Variants in KIF15 observed in about 807,000 individuals in gnomAD.
KIF15 encodes kinesin family member 15, also known as kinesin-like protein KIF15.
KIF15 carries 140 observed loss-of-function variants against 190.6 expected under a neutral mutation model. The ratio of observed to expected loss-of-function variants is 0.73; its 90% confidence interval spans 0.64 to 0.84. The LOEUF is 0.84. Among genes scored for constraint, KIF15 ranks in the 40% least tolerant of loss-of-function variants. The pLI is 0.00. For synonymous variants in KIF15, 528 were observed against 551.3 expected, an observed-to-expected ratio of 0.96 and a Z score of 0.59; for missense variants, 1,372 against 1,584.4, an observed-to-expected ratio of 0.87 and a Z score of 2.28.
chr3:44,843,777 A>G (rs1160157330), intron 30 of KIF15, among the ~76,000 whole-genome samples: 1 of 152,160 alleles, frequency 6.6e-6, no homozygotes, highest in Non-Finnish European at 1.5e-5. Context: ...ATCCAGACTT[A>G]TATCTTGTCT....
Position 44,866,911 on chromosome 3 carries a change from G to T in KIF15, c.*60-6418G>T, listed in dbSNP as rs368071508. ...ATGTTTTGTACTTGCTCTTACCCTTGCCTTGGGTTCCCTTTACCTTCACCT... is the reference window on the plus strand; with the variant it reads ...ATGTTTTGTACTTGCTCTTACCCTTTCCTTGGGTTCCCTTTACCTTCACCT... On this transcript the variant is annotated intron_variant and NMD_transcript_variant, in intron 6 of 6. Transcript: ENST00000422209. 1.3e-4 allele frequency among the ~76,000 whole-genome samples: 20 copies of T among 152,122 alleles called. No individual in the cohort carries two copies. The East Asian group carries it at 1.3e-3, about 10-fold the overall frequency.
chr3:44,844,497 A>C (rs918545807), intron 30 of KIF15, among the ~76,000 whole-genome samples: 1 of 152,212 alleles, frequency 6.6e-6, no homozygotes, highest in African/African-American at 2.4e-5. Context: ...GTCTTTTGTC[A>C]AGAGCTACTG....
intron 6 of KIF15, chr3:44,861,914 C>T: frequency 6.8e-7 from 1 of 1,475,308 alleles, no homozygotes; most frequent in South Asian, 1.3e-5. Context: ...GGCACGGTGT[C>T]AGCAGGCAAC....
chr3:44,765,745 T>C (rs558456019), intron 1 of KIF15, among the ~76,000 whole-genome samples: 156 of 152,332 alleles, frequency 1.0e-3, no homozygotes, highest in African/African-American at 3.6e-3. Flanking sequence ...TGAACAGGCC[T>C]GCAATTTAGC....
intron 27 of KIF15, 52 bp from the exon 28 acceptor site, chr3:44,840,303 C>T (rs1331227113): frequency 1.9e-6 from 2 of 1,036,148 alleles, no homozygotes; most frequent in East Asian, 5.1e-5. Context: ...CTATTTGGAC[C>T]ATGTACCCCA....
At chr3:44,775,085 A>G (rs549412642) in intron 2 of KIF15, among the ~76,000 whole-genome samples, 169 bp from the exon 3 acceptor site, 5 of 151,770 alleles carry the variant, frequency 3.3e-5, no homozygotes, top group African/African-American at 1.2e-4. Context: ...GGGCAACAAG[A>G]ATGAAACTCC....
intron 5 of KIF15, among the ~76,000 whole-genome samples, chr3:44,781,895 G>A (rs2125912302): frequency 6.6e-6 from 1 of 152,006 alleles, no homozygotes; most frequent in South Asian, 2.1e-4. Context: ...CTCATTTGTG[G>A]ATATTCCTTA....
chr3:44,782,793 A>C (rs1706228060), intron 5 of KIF15, among the ~76,000 whole-genome samples: 1 of 152,194 alleles, frequency 6.6e-6, no homozygotes. Context: ...CAGCAGTTGC[A>C]CAGGCCCTGA....
intron 19 of KIF15, among the ~76,000 whole-genome samples, chr3:44,814,658 G>A (rs1707946465): frequency 6.6e-6 from 1 of 152,152 alleles, no homozygotes; most frequent in African/African-American, 2.4e-5. Context: ...ATCTAGCAAA[G>A]TCAAGTGACC....
intron 11 of KIF15, among the ~76,000 whole-genome samples, chr3:44,800,911 G>A (rs1003489497): frequency 1.3e-5 from 2 of 151,564 alleles, no homozygotes; most frequent in East Asian, 1.9e-4. Flanking sequence ...GTAATCTATT[G>A]TGCATATTAA....
chr3:44,835,734 A>G (rs550775489), intron 26 of KIF15, among the ~76,000 whole-genome samples: 4 of 152,338 alleles, frequency 2.6e-5, no homozygotes, highest in African/African-American at 7.2e-5. Flanking sequence ...GAGAGCAGTG[A>G]ATATGAAGGA....
chr3:44,768,361 T>G (rs1376339134), intron 1 of KIF15, among the ~76,000 whole-genome samples: 2 of 151,842 alleles, frequency 1.3e-5, no homozygotes, highest in Non-Finnish European at 2.9e-5. Flanking sequence ...TCGTGTTGCA[T>G]GACCAGGAAA....
At chr3:44,802,448 T>C (rs986455255) in intron 13 of KIF15, among the ~76,000 whole-genome samples, 7 of 152,208 alleles carry the variant, frequency 4.6e-5, no homozygotes, top group African/African-American at 1.7e-4. Flanking sequence ...CTGTACACTT[T>C]TTTGCACTTC....
At chr3:44,786,689 CAGA>C in intron 7 of KIF15, 115 bp downstream of exon 7, 1 of 713,668 alleles carries the variant, frequency 1.4e-6, no homozygotes, top group Non-Finnish European at 2.2e-6. Context: ...AGGCATAATA[CAGA>C]ATGTTCATGG....
intron 26 of KIF15, among the ~76,000 whole-genome samples, chr3:44,833,610 C>T (rs1009455418): frequency 4.2e-5 from 6 of 142,904 alleles, no homozygotes; most frequent in South Asian, 2.1e-4. Context: ...GGCAGTAATG[C>T]GAGCGATGGG....
intron 10 of KIF15, among the ~76,000 whole-genome samples, chr3:44,799,006 A>G (rs971347939): frequency 3.3e-5 from 5 of 152,182 alleles, no homozygotes; most frequent in African/African-American, 9.6e-5. Context: ...AAGACTATAG[A>G]TCTAGTCATT....
intron 24 of KIF15, among the ~76,000 whole-genome samples, chr3:44,829,318 C>G (rs1448727791): frequency 6.7e-6 from 1 of 149,554 alleles, no homozygotes; most frequent in African/African-American, 2.5e-5. Flanking sequence ...GATCGCGCCA[C>G]TGCACTCCAG....
chr3:44,865,919 G>T (rs968271889), intron 6 of KIF15, among the ~76,000 whole-genome samples: 1 of 152,136 alleles, frequency 6.6e-6, no homozygotes, highest in African/African-American at 2.4e-5. Flanking sequence ...CCTCCCTTTG[G>T]AGACCTTGTT....
At chr3:44,806,341 C>G (rs1198855946) in intron 16 of KIF15, among the ~76,000 whole-genome samples, 2 of 152,210 alleles carry the variant, frequency 1.3e-5, no homozygotes, top group South Asian at 2.1e-4. Context: ...TGCCTGGTAC[C>G]TTGTAGATAT....
Sources: allele counts gnomAD v4.1 joint callset (sites outside exome capture counted in the v4.1 genomes callset), GRCh38; gene constraint gnomAD v4.1.1; transcripts MANE v1.5; gene names NCBI Gene and HGNC (gene_info 2026-07-23, HGNC 2026-07-21).